PANX1: variants seen among roughly 807,000 people sequenced by gnomAD.
PANX1 encodes the protein pannexin-1.
Under a neutral mutation model 38.7 loss-of-function variants are expected in PANX1, and 30 were observed. That is an observed-to-expected ratio of 0.78 (90% CI 0.58 to 1.05). The LOEUF is 1.05. Ranked by LOEUF, PANX1 falls within the 50% of genes least tolerant of loss-of-function variation. The pLI, the probability that PANX1 is intolerant of heterozygous loss-of-function variation, is 0.00. For missense variants in PANX1, 551 were observed against 517.2 expected (o/e 1.07, Z -0.63); for synonymous variants, 230 against 212.2 (o/e 1.08, Z -0.73).
intron 2 of PANX1, among the ~76,000 whole-genome samples, chr11:94,165,852 G>A (rs886110551): frequency 6.6e-6 from 1 of 152,188 alleles, no homozygotes; most frequent in South Asian, 2.1e-4. Context: ...GGCAGAGGTT[G>A]CAGTGAGCTG....
intron 1 of PANX1, among the ~76,000 whole-genome samples, chr11:94,133,532 G>C (rs1258405555): frequency 2.0e-5 from 3 of 152,084 alleles, no homozygotes; most frequent in Non-Finnish European, 2.9e-5. Flanking sequence ...GTGCCTGGGA[G>C]CATTTTGAAG....
chr11:94,137,671 T>A (rs1277332833), intron 1 of PANX1, among the ~76,000 whole-genome samples: 3 of 128,688 alleles, frequency 2.3e-5, no homozygotes, highest in African/African-American at 3.0e-5. Context: ...CTGTGGGGGG[T>A]GAAAGGGGTG....
At chr11:94,150,782 T>C (rs1035721723) in intron 1 of PANX1, among the ~76,000 whole-genome samples, 7 of 152,134 alleles carry the variant, frequency 4.6e-5, no homozygotes, top group African/African-American at 1.4e-4. Flanking sequence ...TACCTGGGGA[T>C]TGATGTGTTT....
At chr11:94,168,659 T>A (rs1028960202) in intron 2 of PANX1, among the ~76,000 whole-genome samples, 4 of 151,222 alleles carry the variant, frequency 2.6e-5, no homozygotes, top group Non-Finnish European at 5.9e-5. Flanking sequence ...GATCATAAAG[T>A]TTTTTTGTCA....
chr11:94,137,001 A>G (rs1946700958), intron 1 of PANX1, among the ~76,000 whole-genome samples: 1 of 151,900 alleles, frequency 6.6e-6, no homozygotes, highest in African/African-American at 2.4e-5. Context: ...GAGCAGGAGC[A>G]AGAGAGAATG....
At chr11:94,138,321 C>T (rs1239086619) in intron 1 of PANX1, among the ~76,000 whole-genome samples, 1 of 152,074 alleles carries the variant, frequency 6.6e-6, no homozygotes, top group South Asian at 2.1e-4. Context: ...GTATTTTTTC[C>T]ATTTATATAA....
At chr11:94,167,889 A>G (rs1591522301) in intron 2 of PANX1, among the ~76,000 whole-genome samples, 2 of 152,226 alleles carry the variant, frequency 1.3e-5, no homozygotes, top group African/African-American at 4.8e-5. Context: ...AATCAGCTAA[A>G]TGGTAAAAGG....
At chr11:94,172,695 C>T (rs926954336) in intron 2 of PANX1, among the ~76,000 whole-genome samples, 1 of 151,658 alleles carries the variant, frequency 6.6e-6, no homozygotes, top group African/African-American at 2.4e-5. Flanking sequence ...TACAAGAAAA[C>T]CCTATGGACC....
chr11:94,129,577 T>G, intron 1 of PANX1, 84 bp downstream of exon 1: 2 of 1,253,104 alleles, frequency 1.6e-6, no homozygotes, highest in Non-Finnish European at 2.2e-6. Flanking sequence ...GGCCCGAGTC[T>G]GGGTACGCCC....
intron 2 of PANX1, among the ~76,000 whole-genome samples, chr11:94,154,149 T>C (rs1373270944): frequency 6.6e-6 from 1 of 152,206 alleles, no homozygotes; most frequent in Non-Finnish European, 1.5e-5. Flanking sequence ...GCTGTAGCAC[T>C]GTTTTTGGAA....
rs756088285 is a variant in PANX1, at chr11:94,129,506, C to T, written c.181+13C>T. Reference sequence around the variant, plus strand: ...GAGATCTCGATTGGTAAGCCTCGCCCAGGACGGAGGGGAGTGGCCGCCCCG... The same window carrying T: ...GAGATCTCGATTGGTAAGCCTCGCCTAGGACGGAGGGGAGTGGCCGCCCCG... On this transcript the variant is annotated intron_variant, in intron 1 of 4. Coordinates refer to ENST00000227638, the MANE Select transcript of PANX1 (RefSeq NM_015368.4). 1 of 1,600,608 alleles carries T rather than the reference C, an allele frequency of 6.2e-7. No individual in the cohort carries two copies. Among genetic ancestry groups the T allele is most frequent in the Non-Finnish European group, 8.5e-7 (1 of 1,170,892 alleles).
intron 2 of PANX1, among the ~76,000 whole-genome samples, chr11:94,154,223 C>T (rs961631759): frequency 6.6e-6 from 1 of 152,192 alleles, no homozygotes; most frequent in African/African-American, 2.4e-5. Flanking sequence ...ACACAAGAGA[C>T]ACCAATGTCT....
At chr11:94,132,727 A>G (rs1238640983) in intron 1 of PANX1, among the ~76,000 whole-genome samples, 1 of 152,214 alleles carries the variant, frequency 6.6e-6, no homozygotes, top group East Asian at 1.9e-4. Flanking sequence ...AATCCCCTCA[A>G]GCGTAAAATA....
chr11:94,155,331 C>G (rs893336141), intron 2 of PANX1, among the ~76,000 whole-genome samples: 2 of 128,512 alleles, frequency 1.6e-5, no homozygotes, highest in Admixed American at 1.7e-4. Context: ...GCCTGGGGAA[C>G]AAGAGTGGAA....
chr11:94,175,951 G>A, intron 2 of PANX1: 2 of 949,062 alleles, frequency 2.1e-6, no homozygotes, highest in Middle Eastern at 5.5e-4. Flanking sequence ...GTCTGGGGCA[G>A]AGATTCCTTA....
Position 94,129,194 on chromosome 11 carries a change from A to G in PANX1, c.-119A>G, listed in dbSNP as rs1591499361. The G allele has an allele frequency of 1.4e-6, 1 of 710,384 alleles. No individual in the cohort carries two copies. The allele number at this position is 710,384 out of a possible 1,614,324, so 44.0% of individuals were successfully genotyped here. ...GACACAAAGGCAGGCGGGATGCGGG[A>G]GCAGGCAAAGGGAAAGCGAAAGCCG... On this transcript the variant is annotated 5_prime_UTR_variant, in exon 1 of 5. Transcript: ENST00000227638.
At chr11:94,143,938 G>A (rs939379432) in intron 1 of PANX1, among the ~76,000 whole-genome samples, 4 of 151,870 alleles carry the variant, frequency 2.6e-5, no homozygotes, top group Non-Finnish European at 5.9e-5. Context: ...TTGTAGAGAC[G>A]GGGTCTCACT....
At position 94,129,270 on chromosome 11, in the gene PANX1, G is replaced by C; in HGVS notation, c.-43G>C. 1 of 1,547,568 alleles carries C rather than the reference G, an allele frequency of 6.5e-7. No individual in the cohort carries two copies. Among genetic ancestry groups the C allele is most frequent in the Admixed American group, 1.8e-5 (1 of 55,660 alleles). Reference sequence around the variant, plus strand: ...GGCGCCGCGCAGCTTTCCCGACGCCGGCTGTACCCGGACCTCCTGGTCGAG... The same window carrying C: ...GGCGCCGCGCAGCTTTCCCGACGCCCGCTGTACCCGGACCTCCTGGTCGAG... On this transcript the variant is annotated 5_prime_UTR_variant, in exon 1 of 5. Transcript: ENST00000227638.
intron 2 of PANX1, among the ~76,000 whole-genome samples, chr11:94,173,299 G>C (rs1010445151): frequency 2.6e-5 from 4 of 151,528 alleles, no homozygotes; most frequent in African/African-American, 9.8e-5. Flanking sequence ...TTCTCCTTCT[G>C]CCCATTCTCC....
Sources: gnomAD v4.1 joint callset for allele counts (sites outside exome capture counted in the v4.1 genomes callset) on GRCh38, gnomAD v4.1.1 for gene constraint, MANE v1.5 for transcripts, NCBI Gene and HGNC (gene_info 2026-07-23, HGNC 2026-07-21) for gene names.